TC2N: variants seen among roughly 807,000 people sequenced by gnomAD.
TC2N encodes the protein tandem C2 domains, nuclear.
Under a neutral mutation model 61.9 loss-of-function variants are expected in TC2N, and 51 were observed. That is an observed-to-expected ratio of 0.82 (90% CI 0.66 to 1.04). The LOEUF (loss-of-function observed/expected upper bound fraction) is 1.04, where lower values mean the gene tolerates loss of function less well. TC2N is among the 50% of genes least tolerant of loss of function. The pLI is 0.00. For missense variants in TC2N, 556 were observed against 566.7 expected, an observed-to-expected ratio of 0.98 and a Z score of 0.19; for synonymous variants, 204 against 192.6, an observed-to-expected ratio of 1.06 and a Z score of -0.49.
rs115868558 is a variant in TC2N at position 91,810,841 on chromosome 14, C to G, written c.301+1471G>C. Among the ~76,000 whole-genome samples the G allele has an allele frequency of 4.3e-3, 640 of 150,012 alleles. 7 individuals carry two copies. The highest frequency in any genetic ancestry group is 0.015 in the African/African-American group (607 of 40,830). ...GAAAAAAAGATCAATATTATTGAAT[C>G]TAAAGAACAGAGAAAAAAAGATACT... On this transcript the variant is annotated intron_variant, in intron 3 of 11. Transcript: ENST00000435962.
At chr14:91,819,671 A>C (rs984819390) in intron 1 of TC2N, among the ~76,000 whole-genome samples, 4 of 152,290 alleles carry the variant, frequency 2.6e-5, no homozygotes, top group African/African-American at 9.6e-5. Flanking sequence ...ATTTCTTTAC[A>C]AGTTTATTAA....
intron 1 of TC2N, among the ~76,000 whole-genome samples, chr14:91,853,024 T>C (rs971192537): frequency 6.6e-6 from 1 of 151,992 alleles, no homozygotes; most frequent in African/African-American, 2.4e-5. Context: ...TGAGCTGAGA[T>C]CCCGCCACTG....
intron 1 of TC2N, among the ~76,000 whole-genome samples, chr14:91,828,455 AC>A (rs1273034854): frequency 1.3e-5 from 2 of 151,868 alleles, no homozygotes; most frequent in African/African-American, 2.4e-5. Context: ...ATATAACTTT[AC>A]ATTTATGTTT....
chr14:91,818,112 G>A (rs1488076345), intron 1 of TC2N, among the ~76,000 whole-genome samples: 1 of 152,098 alleles, frequency 6.6e-6, no homozygotes, highest in Non-Finnish European at 1.5e-5. Context: ...AAGCAAAGCC[G>A]AGAAGATTTT....
At chr14:91,858,530 C>T (rs947225318) in intron 1 of TC2N, among the ~76,000 whole-genome samples, 1 of 152,084 alleles carries the variant, frequency 6.6e-6, no homozygotes, top group Non-Finnish European at 1.5e-5. Flanking sequence ...TAATTAAATG[C>T]AGTATACTTT....
chr14:91,785,505 T>A (rs1885322436), intron 10 of TC2N, 144 bp from the exon 11 acceptor site: 1 of 617,504 alleles, frequency 1.6e-6, no homozygotes, highest in African/African-American at 1.9e-5. Flanking sequence ...TTTGATGAGC[T>A]ACGACCATAA....
intron 3 of TC2N, among the ~76,000 whole-genome samples, chr14:91,809,667 A>T (rs1886679878): frequency 6.6e-6 from 1 of 152,214 alleles, no homozygotes; most frequent in African/African-American, 2.4e-5. Context: ...CGCAGGGTAT[A>T]TAAAACCCCA....
At chr14:91,824,665 C>T (rs1205387054) in intron 1 of TC2N, among the ~76,000 whole-genome samples, 2 of 152,198 alleles carry the variant, frequency 1.3e-5, no homozygotes, top group South Asian at 4.1e-4. Flanking sequence ...GCTTTTGGAG[C>T]GCTTACAACA....
chr14:91,792,030 A>G (rs868478331), intron 9 of TC2N, among the ~76,000 whole-genome samples: 38 of 152,186 alleles, frequency 2.5e-4, no homozygotes, highest in Middle Eastern at 3.4e-3. Context: ...CAGGCGGGAG[A>G]ATGGCGTGAA....
Position 91,848,892 on chromosome 14 carries a change from C to T in TC2N, c.-57+18370G>A, listed in dbSNP as rs577358745. Among the ~76,000 whole-genome samples, 12 of 152,256 alleles carry T rather than the reference C, an allele frequency of 7.9e-5. No individual in the cohort carries two copies. In the East Asian group the frequency reaches 2.1e-3, roughly 27 times the overall value. ...CCAACATTCACTATTTTGCTTTCAC[C>T]GCTTTGGGCCATCTGCAAATCCTGC... On this transcript the variant is annotated intron_variant, in intron 1 of 11. Coordinates refer to ENST00000435962, the MANE Select transcript of TC2N (RefSeq NM_001128596.3).
intron 3 of TC2N, among the ~76,000 whole-genome samples, chr14:91,807,267 G>A (rs1227038388): frequency 1.3e-5 from 2 of 152,184 alleles, no homozygotes; most frequent in African/African-American, 2.4e-5. Flanking sequence ...TCTCCACTGG[G>A]GCACTGCCTA....
rs77886151 is a variant in TC2N, at chr14:91,863,273, G to A, written c.-57+3989C>T. Among the ~76,000 whole-genome samples, 541 of 152,376 alleles carry A rather than the reference G, an allele frequency of 3.6e-3. 2 individuals carry two copies. Among genetic ancestry groups the A allele is most frequent in the African/African-American group, 0.012 (499 of 41,598 alleles). On this transcript the variant is annotated intron_variant, in intron 1 of 11. Coordinates refer to ENST00000435962, the MANE Select transcript of TC2N (RefSeq NM_001128596.3). The stretch of plus-strand genomic sequence containing the variant: ...AGTGACATTACCAAACCAAACTGGA[G>A]TGGGCTTGCCCAGCGCAGTAAGGCC...
chr14:91,841,381 A>G (rs1437326171), intron 1 of TC2N, among the ~76,000 whole-genome samples: 2 of 152,162 alleles, frequency 1.3e-5, no homozygotes, highest in East Asian at 3.9e-4. Context: ...CATTTCCCCA[A>G]ATTTATTTCC....
At chr14:91,797,995 C>T in intron 7 of TC2N, 94 bp from the exon 8 acceptor site, 1 of 854,020 alleles carries the variant, frequency 1.2e-6, no homozygotes, top group Non-Finnish European at 1.8e-6. Flanking sequence ...TAGATAAAAA[C>T]TGCAAAAAAT....
At position 91,781,654 on chromosome 14, in the gene TC2N, C is replaced by A. The variant is rs1219869383; in HGVS notation, c.*1446G>T. Reference sequence around the variant, plus strand: ...TTTATCTTAAAAATCCATGTGAGTACTGACCTATATGTCATTTTTTGCAAA... The same window carrying A: ...TTTATCTTAAAAATCCATGTGAGTAATGACCTATATGTCATTTTTTGCAAA... On this transcript the variant is annotated 3_prime_UTR_variant, in exon 12 of 12. Coordinates refer to ENST00000435962, the MANE Select transcript of TC2N (RefSeq NM_001128596.3). 6.6e-6 allele frequency: 1 copy of A among 152,100 alleles called. No individual in the cohort carries two copies. The highest frequency in any genetic ancestry group is 1.5e-5 in the Non-Finnish European group (1 of 67,978). The allele number at this position is 152,100 out of a possible 1,614,324, so 9.4% of individuals were successfully genotyped here. A position where few individuals can be genotyped will look rare whatever the true frequency, so the allele number is the denominator to read the frequency against.
intron 1 of TC2N, among the ~76,000 whole-genome samples, chr14:91,852,652 AG>A (rs1287866375): frequency 6.6e-6 from 1 of 152,230 alleles, no homozygotes; most frequent in African/African-American, 2.4e-5. Context: ...CTTTAATCTT[AG>A]CTTGACCAGT....
chr14:91,787,990 T>C (rs1266420443), intron 9 of TC2N, among the ~76,000 whole-genome samples: 4 of 151,964 alleles, frequency 2.6e-5, no homozygotes, highest in South Asian at 2.1e-4. Context: ...GTCAAATTAT[T>C]TTTAGAGAAC....
intron 1 of TC2N, among the ~76,000 whole-genome samples, chr14:91,831,975 C>G (rs779856129): frequency 3.3e-5 from 5 of 152,036 alleles, no homozygotes; most frequent in African/African-American, 4.8e-5. Context: ...ACGTGTTAAT[C>G]AAAAGACACT....
At chr14:91,801,762 G>C (rs77730342) in intron 4 of TC2N, among the ~76,000 whole-genome samples, 6 of 152,212 alleles carry the variant, frequency 3.9e-5, no homozygotes, top group Non-Finnish European at 8.8e-5. Flanking sequence ...CTGGTATGTA[G>C]CTAACTTCTT....
Sources: gnomAD v4.1 joint callset for allele counts (sites outside exome capture counted in the v4.1 genomes callset) on GRCh38, gnomAD v4.1.1 for gene constraint, MANE v1.5 for transcripts, NCBI Gene and HGNC (gene_info 2026-07-23, HGNC 2026-07-21) for gene names.